The following ISG20 variants were observed in gnomAD, a reference collection of about 807,000 sequenced individuals.
ISG20 encodes the protein interferon stimulated exonuclease gene 20.
ISG20 carries 8 observed loss-of-function variants against 11.1 expected under a neutral mutation model. That is an observed-to-expected ratio of 0.72 (90% CI 0.42 to 1.30). ISG20 has a LOEUF of 1.30. Among genes scored for constraint, ISG20 ranks in the 50% most tolerant of loss-of-function variants. The probability of loss-of-function intolerance (pLI) is 0.01; values close to 1 mark genes in which losing one functional copy is unlikely to be tolerated. For missense variants in ISG20, 243 were observed against 250.2 expected, an observed-to-expected ratio of 0.97 and a Z score of 0.19; for synonymous variants, 110 against 101.7, an observed-to-expected ratio of 1.08 and a Z score of -0.49.
In ISG20 at chr15:88,639,440, T is replaced by C; in HGVS notation, c.74T>C (p.Leu25Pro). Reference protein sequence around the residue: ...VGLGPHRESGLARCSLVNVHG... With the variant: ...VGLGPHRESGPARCSLVNVHG... ...CTGGGGCCCCACCGGGAGAGTGGCC[T>C]GGCTCGTTGCAGCCTCGTGAACGTC... The change falls in exon 2 of 4, where the codon CTG becomes CCG. Residue 25 changes from leucine to proline, a missense_variant. Coordinates refer to ENST00000306072, the MANE Select transcript of ISG20 (RefSeq NM_002201.6). This position sits in a 1 kb window ranked among gnomAD's most constrained non-coding sequence, Gnocchi z 4.2. 2 of 1,614,154 alleles carry C rather than the reference T, an allele frequency of 1.2e-6. No individual in the cohort carries two copies. The highest frequency in any genetic ancestry group is 1.7e-6 in the Non-Finnish European group (2 of 1,180,010).
intron 2 of ISG20, among the ~76,000 whole-genome samples, chr15:88,642,657 C>T (rs1347072716): frequency 3.9e-5 from 6 of 152,152 alleles, no homozygotes; most frequent in Non-Finnish European, 5.9e-5. Context: ...CGCTCTATCG[C>T]CCAGGCTGGA....
At chr15:88,645,354 A>C (rs2058154349) in intron 2 of ISG20, among the ~76,000 whole-genome samples, 1 of 151,914 alleles carries the variant, frequency 6.6e-6, no homozygotes, top group African/African-American at 2.4e-5. Context: ...TGCTAATTGC[A>C]CCCATGAAGA....
chr15:88,650,298 G>C lies in ISG20; in HGVS notation c.229-1812G>C, dbSNP rs2058251763. The C allele has an allele frequency of 1.3e-6, 2 of 1,535,554 alleles. No homozygotes were observed. Among genetic ancestry groups the C allele is most frequent in the Admixed American group, 2.0e-5 (1 of 50,984 alleles). On this transcript the variant is annotated intron_variant, in intron 2 of 3. Transcript: ENST00000306072. The surrounding 1 kb of genome is among the most constrained non-coding windows in gnomAD (Gnocchi z 4.0). ...GCAAGCTGACTGGCCTGTGTGACCAGAGCAGGGCAGGCTGTCCATGTGGGA... is the reference window on the plus strand; with the variant it reads ...GCAAGCTGACTGGCCTGTGTGACCACAGCAGGGCAGGCTGTCCATGTGGGA...
chr15:88,639,970 C>T lies in ISG20; in HGVS notation c.228+376C>T, dbSNP rs1392984242. Among the ~76,000 whole-genome samples, 2 of 152,204 alleles carry T rather than the reference C, an allele frequency of 1.3e-5. No homozygotes were observed. Among genetic ancestry groups the T allele is most frequent in the African/African-American group, 4.8e-5 (2 of 41,452 alleles). On this transcript the variant is annotated intron_variant, in intron 2 of 3. Coordinates refer to ENST00000306072, the MANE Select transcript of ISG20 (RefSeq NM_002201.6). This position sits in a 1 kb window ranked among gnomAD's most constrained non-coding sequence, Gnocchi z 4.2. ...AGAGGATTCTTGGCTGAGGCTCTGG[C>T]AAGAGGCTTTGGCCCTCCCAGTCCT...
In ISG20 at chr15:88,650,302, A is replaced by G; in HGVS notation, c.229-1808A>G. The G allele has an allele frequency of 6.5e-7, 1 of 1,535,612 alleles. No homozygotes were observed. Among genetic ancestry groups the G allele is most frequent in the South Asian group, 1.2e-5 (1 of 84,062 alleles). On this transcript the variant is annotated intron_variant, in intron 2 of 3. Coordinates refer to ENST00000306072, the MANE Select transcript of ISG20 (RefSeq NM_002201.6). This position sits in a 1 kb window ranked among gnomAD's most constrained non-coding sequence, Gnocchi z 4.0. ...GCTGACTGGCCTGTGTGACCAGAGC[A>G]GGGCAGGCTGTCCATGTGGGAGGCG...
Position 88,652,419 on chromosome 15 carries a change from CT to C in ISG20, c.429+110del, listed in dbSNP as rs1181452170. 1.3e-3 allele frequency: 87 copies of C among 69,526 alleles called. 12 individuals carry two copies. Among genetic ancestry groups the C allele is most frequent in the Non-Finnish European group, 1.9e-3 (71 of 36,938 alleles). 4.3% of individuals were successfully genotyped at this position (69,526 alleles called of 1,614,324 possible). On this transcript the variant is annotated intron_variant, in intron 3 of 3. Coordinates refer to ENST00000306072, the MANE Select transcript of ISG20 (RefSeq NM_002201.6). ...CCTCCCCCTCCTCCTCCCCCTCCTC[CT>C]CCCCCTCCTCCTTCTCCTCCTCCTT...
chr15:88,641,379 C>A (rs1159132951), intron 2 of ISG20, among the ~76,000 whole-genome samples: 1 of 152,100 alleles, frequency 6.6e-6, no homozygotes, highest in Non-Finnish European at 1.5e-5. Context: ...AACAAAGCAC[C>A]ACACACTGGT....
At chr15:88,651,648 G>A (rs573551603) in intron 2 of ISG20, 10 of 362,198 alleles carry the variant, frequency 2.8e-5, no homozygotes, top group South Asian at 9.2e-5. Context: ...TTTGAAGGTC[G>A]ACTGATTAGC....
chr15:88,638,806 AC>A (rs1253402674), upstream of ISG20: 2 of 156,384 alleles, frequency 1.3e-5, no homozygotes. Flanking sequence ...AAGGAGGGGC[AC>A]CCTGACATGG....
At chr15:88,653,480 C>T (rs2058322144) in intron 3 of ISG20, among the ~76,000 whole-genome samples, 1 of 152,164 alleles carries the variant, frequency 6.6e-6, no homozygotes, top group African/African-American at 2.4e-5. Flanking sequence ...GAGTAGGGAA[C>T]AGGGCTGAGT....
rs1207125840 is a variant in ISG20 at position 88,655,693 on chromosome 15, C to T, written c.*162C>T. The T allele has an allele frequency of 1.8e-6, 1 of 560,622 alleles. No individual in the cohort carries two copies. The highest frequency in any genetic ancestry group is 3.2e-5 in the Admixed American group (1 of 31,262). 34.7% of individuals were successfully genotyped at this position (560,622 alleles called of 1,614,324 possible). ...TATTCTTCTCTCCAAGCTGGGTTAACAGTAGACAGGACCCATTTCTGTGTG... is the reference window on the plus strand; with the variant it reads ...TATTCTTCTCTCCAAGCTGGGTTAATAGTAGACAGGACCCATTTCTGTGTG... On this transcript the variant is annotated 3_prime_UTR_variant, in exon 4 of 4. Transcript: ENST00000306072.
intron 2 of ISG20, among the ~76,000 whole-genome samples, chr15:88,644,106 A>G (rs371598746): frequency 1.3e-5 from 2 of 152,188 alleles, no homozygotes; most frequent in African/African-American, 2.4e-5. Context: ...AGGAGAGTCT[A>G]TGTAGGGAAT....
chr15:88,642,429 A>G (rs1185997949), intron 2 of ISG20, among the ~76,000 whole-genome samples: 1 of 152,252 alleles, frequency 6.6e-6, no homozygotes, highest in Non-Finnish European at 1.5e-5. Context: ...TAAACTGAGT[A>G]ACTTACGCTG....
At chr15:88,636,788 G>A (rs7172522), upstream of ISG20, among the ~76,000 whole-genome samples, 51,134 of 152,014 alleles carry the variant, frequency 0.34, 9,265 homozygotes, top group Non-Finnish European at 0.4. Context: ...GCCTCAGCCT[G>A]GAGTAACTGG....
At chr15:88,636,184 G>C (rs2057982145), upstream of ISG20, 1 of 152,308 alleles carries the variant, frequency 6.6e-6, no homozygotes, top group African/African-American at 2.4e-5. Context: ...GCTGTAGCTG[G>C]ATGTGTGCCT....
At chr15:88,637,298 A>G (rs1222775922), upstream of ISG20, 1 of 151,752 alleles carries the variant, frequency 6.6e-6, no homozygotes, top group Non-Finnish European at 1.5e-5. Flanking sequence ...GACTGATGGA[A>G]GAGGGTCTGG....
intron 2 of ISG20, among the ~76,000 whole-genome samples, chr15:88,644,615 C>T (rs1017585158): frequency 2.0e-5 from 3 of 150,946 alleles, no homozygotes; most frequent in Non-Finnish European, 4.4e-5. Flanking sequence ...TCATCTTTGG[C>T]AGACAGAGAA....
chr15:88,636,779 C>A (rs1197244630), upstream of ISG20, among the ~76,000 whole-genome samples: 1 of 152,170 alleles, frequency 6.6e-6, no homozygotes, highest in Non-Finnish European at 1.5e-5. Flanking sequence ...AGCAAATCCG[C>A]CTCAGCCTGG....
At chr15:88,654,532 G>A (rs550636763) in intron 3 of ISG20, among the ~76,000 whole-genome samples, 4 of 152,198 alleles carry the variant, frequency 2.6e-5, no homozygotes, top group Non-Finnish European at 2.9e-5. Context: ...CCAACAGCCC[G>A]CTGGCTCCCA....
Sources: allele counts gnomAD v4.1 joint callset (sites outside exome capture counted in the v4.1 genomes callset), GRCh38; gene constraint gnomAD v4.1.1; non-coding constraint Gnocchi (gnomAD v3.1); transcripts MANE v1.5; gene names NCBI Gene and HGNC (gene_info 2026-07-23, HGNC 2026-07-21).